Variants in SHISA6 observed in about 807,000 individuals in gnomAD.
The protein encoded by SHISA6 is shisa family member 6.
In SHISA6, 22 loss-of-function variants were observed where a neutral mutation model predicts 47.9. The observed-to-expected ratio is 0.46, with a 90% CI of 0.33 to 0.66. The LOEUF (loss-of-function observed/expected upper bound fraction) is 0.66. Ranked by LOEUF, SHISA6 falls within the 30% of genes least tolerant of loss-of-function variation. SHISA6 has a pLI of 0.02. For missense variants in SHISA6, 680 were observed against 764.6 expected (o/e 0.89, Z 1.30); for synonymous variants, 388 against 337.8 (o/e 1.15, Z -1.63).
intron 3 of SHISA6, among the ~76,000 whole-genome samples, chr17:11,439,144 T>C (rs1407782944): frequency 6.6e-6 from 1 of 152,146 alleles, no homozygotes; most frequent in African/African-American, 2.4e-5. Context: ...GGACATCAAT[T>C]TCCAAGCATT....
intron 3 of SHISA6, among the ~76,000 whole-genome samples, chr17:11,510,627 T>C (rs1250321316): frequency 6.6e-6 from 1 of 152,222 alleles, no homozygotes; most frequent in Non-Finnish European, 1.5e-5. Context: ...AATGTGGCAG[T>C]CTTTTTTCCT....
chr17:11,388,083 A>G (rs1913252920), intron 3 of SHISA6, among the ~76,000 whole-genome samples: 1 of 152,194 alleles, frequency 6.6e-6, no homozygotes. Context: ...CAAGAACCCC[A>G]GACCAACAGT....
chr17:11,491,212 A>G lies in SHISA6; in HGVS notation c.896-60684A>G, dbSNP rs368284610. On this transcript the variant is annotated intron_variant, in intron 3 of 5. Transcript: ENST00000441885. The stretch of plus-strand genomic sequence containing the variant: ...CCTGGAGGGGAGTCATATTGTCAAC[A>G]GAACGGACCAGGAAAGCATTCATGG... Among the ~76,000 whole-genome samples the G allele has an allele frequency of 2.6e-5, 4 of 152,204 alleles. No homozygotes were observed. In the East Asian group the frequency reaches 5.8e-4, roughly 22 times the overall value.
At chr17:11,487,982 G>A (rs1225277658) in intron 3 of SHISA6, among the ~76,000 whole-genome samples, 2 of 152,198 alleles carry the variant, frequency 1.3e-5, no homozygotes, top group Non-Finnish European at 1.5e-5. Flanking sequence ...CAGACTAAAG[G>A]TCAAAAGTCT....
At chr17:11,409,910 A>T (rs1245660543) in intron 3 of SHISA6, among the ~76,000 whole-genome samples, 3 of 152,148 alleles carry the variant, frequency 2.0e-5, no homozygotes, top group Non-Finnish European at 4.4e-5. Context: ...CTTCTGATAC[A>T]TGCATCTTTG....
intron 3 of SHISA6, among the ~76,000 whole-genome samples, chr17:11,480,246 A>G (rs1425133183): frequency 6.6e-6 from 1 of 152,134 alleles, no homozygotes; most frequent in East Asian, 1.9e-4. Context: ...TTGTTTGATA[A>G]TGATGTGCCT....
At chr17:11,315,721 C>A (rs986420523) in intron 2 of SHISA6, among the ~76,000 whole-genome samples, 1 of 152,054 alleles carries the variant, frequency 6.6e-6, no homozygotes, top group Non-Finnish European at 1.5e-5. Flanking sequence ...CCCTGCATTC[C>A]TAGAATTAAT....
In SHISA6 at chr17:11,241,440, C is replaced by T; in HGVS notation, c.18C>T (p.Leu6=). The T allele has an allele frequency of 8.4e-7, 1 of 1,194,322 alleles. No individual in the cohort carries two copies. The highest frequency in any genetic ancestry group is 1.7e-5 in the South Asian group (1 of 57,744). 74.0% of individuals were successfully genotyped at this position (1,194,322 alleles called of 1,614,324 possible). The part of the protein sequence containing the change: MALRR[L]LLLLLLSLES... The stretch of plus-strand genomic sequence containing the variant: ...GCCCCGCCATGGCGCTGCGGCGCCT[C>T]CTGCTGCTGCTGCTGCTCTCGCTGG... The change falls in exon 1 of 6, where the codon CTC becomes CTT. Residue 6 remains leucine, a synonymous_variant. Transcript: ENST00000441885. This position sits in a 1 kb window ranked among gnomAD's most constrained non-coding sequence, Gnocchi z 5.5.
At chr17:11,439,340 G>T (rs898233372) in intron 3 of SHISA6, among the ~76,000 whole-genome samples, 1 of 152,144 alleles carries the variant, frequency 6.6e-6, no homozygotes, top group Non-Finnish European at 1.5e-5. Context: ...CGGGTGGGGG[G>T]CAGTTGTCAC....
At chr17:11,435,087 G>A (rs1914899105) in intron 3 of SHISA6, among the ~76,000 whole-genome samples, 1 of 151,500 alleles carries the variant, frequency 6.6e-6, no homozygotes, top group African/African-American at 2.4e-5. Flanking sequence ...TAAAAAAAGA[G>A]GCTTGAGAGC....
intron 2 of SHISA6, among the ~76,000 whole-genome samples, chr17:11,306,975 A>G (rs1486217264): frequency 2.0e-5 from 3 of 152,180 alleles, no homozygotes; most frequent in Non-Finnish European, 4.4e-5. Context: ...AAGGCTTTGA[A>G]GAAAGCAGTG....
At chr17:11,282,037 A>C (rs1909136711) in intron 2 of SHISA6, among the ~76,000 whole-genome samples, 1 of 152,232 alleles carries the variant, frequency 6.6e-6, no homozygotes, top group East Asian at 1.9e-4. Flanking sequence ...TCTTGGAAGA[A>C]AATCCAAAGG....
chr17:11,514,022 T>G (rs1035827224), intron 3 of SHISA6, among the ~76,000 whole-genome samples: 1 of 152,188 alleles, frequency 6.6e-6, no homozygotes, highest in Non-Finnish European at 1.5e-5. Context: ...TTTGAAACTT[T>G]GCTAGCAGCA....
intron 2 of SHISA6, among the ~76,000 whole-genome samples, chr17:11,339,840 C>T (rs1911463796): frequency 6.6e-6 from 1 of 152,148 alleles, no homozygotes; most frequent in Non-Finnish European, 1.5e-5. Flanking sequence ...GACCCAGACT[C>T]CAAGGCTTCT....
chr17:11,372,075 G>T (rs866643503), intron 2 of SHISA6, among the ~76,000 whole-genome samples: 85 of 152,140 alleles, frequency 5.6e-4, no homozygotes, highest in African/African-American at 1.9e-3. Context: ...CTTTTTTGTT[G>T]TTGTTTTTTC....
chr17:11,270,933 C>T (rs1203138380), intron 2 of SHISA6, among the ~76,000 whole-genome samples: 1 of 152,144 alleles, frequency 6.6e-6, no homozygotes, highest in Non-Finnish European at 1.5e-5. Context: ...GAGGCTGTAG[C>T]CAAGGTATTG....
At chr17:11,521,728 A>C (rs566680381) in intron 3 of SHISA6, among the ~76,000 whole-genome samples, 1 of 152,204 alleles carries the variant, frequency 6.6e-6, no homozygotes, top group Non-Finnish European at 1.5e-5. Context: ...TCTTGAACCC[A>C]GGAGTTCAAA....
intron 2 of SHISA6, among the ~76,000 whole-genome samples, chr17:11,352,133 T>C (rs1911910882): frequency 6.6e-6 from 1 of 151,760 alleles, no homozygotes; most frequent in Non-Finnish European, 1.5e-5. Context: ...CAGAGTACAT[T>C]AATAAGGGAA....
At chr17:11,556,369 C>T (rs1454967948) in intron 5 of SHISA6, among the ~76,000 whole-genome samples, 1 of 152,202 alleles carries the variant, frequency 6.6e-6, no homozygotes, top group Non-Finnish European at 1.5e-5. Flanking sequence ...CCCATGCATA[C>T]ACCCCATTTC....
Sources: gnomAD v4.1 joint callset for allele counts (sites outside exome capture counted in the v4.1 genomes callset) on GRCh38, gnomAD v4.1.1 for gene constraint, Gnocchi (gnomAD v3.1) non-coding constraint, MANE v1.5 for transcripts, NCBI Gene and HGNC (gene_info 2026-07-23, HGNC 2026-07-21) for gene names.